Variants in PCLO observed in about 807,000 individuals in gnomAD.
PCLO encodes piccolo presynaptic cytomatrix protein, also known as protein piccolo.
In PCLO, 82 loss-of-function variants were observed where a neutral mutation model predicts 427.5. That is an observed-to-expected ratio of 0.19 (90% confidence interval 0.16 to 0.23). The LOEUF (loss-of-function observed/expected upper bound fraction) is 0.23. Among genes scored for constraint, PCLO ranks in the 10% least tolerant of loss-of-function variants. The pLI is 1.00. For synonymous variants in PCLO, 2,357 were observed against 2,155.4 expected (o/e 1.09, Z -2.59); for missense variants, 6,239 against 6,115.9 (o/e 1.02, Z -0.67).
At chr7:82,851,274 C>G (rs1792647509) in intron 10 of PCLO, among the ~76,000 whole-genome samples, 1 of 151,372 alleles carries the variant, frequency 6.6e-6, no homozygotes. Context: ...ATTGAGAGTG[C>G]TGTGAACGCT....
At position 83,144,033 on chromosome 7, in the gene PCLO, A is replaced by G. The variant is rs570698754; in HGVS notation, c.1894-8377T>C. On this transcript the variant is annotated intron_variant, in intron 2 of 24. Transcript: ENST00000333891. ...AGGTCTAAATATGAACTCATTCTAT[A>G]TGCTGAAAGCAGCATATCTTTAAAT... Among the ~76,000 whole-genome samples the G allele has an allele frequency of 3.9e-5, 6 of 152,376 alleles. No homozygotes were observed. The East Asian group carries it at 9.6e-4, about 24-fold the overall frequency.
intron 10 of PCLO, among the ~76,000 whole-genome samples, chr7:82,849,829 C>T (rs534976433): frequency 2.6e-5 from 4 of 151,612 alleles, no homozygotes; most frequent in Admixed American, 6.6e-5. Flanking sequence ...TTTCACACTG[C>T]GTTTTAGAAA....
At chr7:83,039,521 G>C (rs1788918825) in intron 3 of PCLO, among the ~76,000 whole-genome samples, 2 of 151,994 alleles carry the variant, frequency 1.3e-5, no homozygotes, top group Non-Finnish European at 2.9e-5. Context: ...TTGACCATAG[G>C]TACATGGGTT....
At chr7:82,973,850 C>T (rs1795958743) in intron 3 of PCLO, among the ~76,000 whole-genome samples, 1 of 152,110 alleles carries the variant, frequency 6.6e-6, no homozygotes, top group African/African-American at 2.4e-5. Context: ...TGATTTCATA[C>T]TCTTGATTGA....
At chr7:83,062,939 C>A (rs981790348) in intron 3 of PCLO, among the ~76,000 whole-genome samples, 3 of 151,954 alleles carry the variant, frequency 2.0e-5, no homozygotes, top group African/African-American at 7.2e-5. Flanking sequence ...TTACTATTTC[C>A]AAATTTTCAC....
intron 10 of PCLO, 54 bp downstream of exon 10, chr7:82,879,283 G>T: frequency 7.2e-6 from 10 of 1,396,034 alleles, no homozygotes; most frequent in Admixed American, 2.0e-5. Flanking sequence ...AAATTAAAAT[G>T]TATTTAATAT....
At chr7:82,829,198 T>G (rs1792028270) in intron 16 of PCLO, among the ~76,000 whole-genome samples, 1 of 152,140 alleles carries the variant, frequency 6.6e-6, no homozygotes, top group Non-Finnish European at 1.5e-5. Context: ...ATCTCTGATT[T>G]TATTTTCTTA....
intron 20 of PCLO, chr7:82,821,496 A>C: frequency 1.0e-6 from 1 of 985,346 alleles, no homozygotes; most frequent in Non-Finnish European, 1.2e-6. Flanking sequence ...AGGGAGATGG[A>C]GAGAACAATG....
chr7:82,938,143 A>G (rs1181485033), intron 6 of PCLO, among the ~76,000 whole-genome samples: 4 of 151,948 alleles, frequency 2.6e-5, no homozygotes, highest in Non-Finnish European at 4.4e-5. Flanking sequence ...TCAAAGGACT[A>G]TGAAGACTTG....
chr7:82,832,548 T>C (rs946961392), intron 16 of PCLO, among the ~76,000 whole-genome samples: 1 of 152,068 alleles, frequency 6.6e-6, no homozygotes, highest in Non-Finnish European at 1.5e-5. Context: ...TTTGTTTTTA[T>C]TGGTCATTTT....
At chr7:82,991,521 TA>T (rs1474754656) in intron 3 of PCLO, among the ~76,000 whole-genome samples, 1 of 152,120 alleles carries the variant, frequency 6.6e-6, no homozygotes, top group Non-Finnish European at 1.5e-5. Flanking sequence ...TCTTTGCTCA[TA>T]ACTACCTTAA....
intron 22 of PCLO, among the ~76,000 whole-genome samples, chr7:82,769,892 A>G (rs62466890): frequency 0.063 from 9,653 of 152,132 alleles, 718 homozygotes; most frequent in African/African-American, 0.18. Context: ...ACTCTAAGAC[A>G]GATTTTAAAA....
At chr7:82,904,072 T>C (rs1584127468) in intron 8 of PCLO, among the ~76,000 whole-genome samples, 1 of 151,988 alleles carries the variant, frequency 6.6e-6, no homozygotes, top group African/African-American at 2.4e-5. Context: ...CCAGGAATAT[T>C]ATGTGAATTC....
At chr7:83,143,009 C>A (rs1791902016) in intron 2 of PCLO, among the ~76,000 whole-genome samples, 1 of 151,892 alleles carries the variant, frequency 6.6e-6, no homozygotes, top group Non-Finnish European at 1.5e-5. Context: ...TGTTGGATAC[C>A]AAGTAATTTT....
rs770654509 is a variant in PCLO, at chr7:82,966,248, T to C, written c.3540A>G (p.Leu1180=). 5.6e-6 allele frequency: 9 copies of C among 1,611,648 alleles called. No homozygotes were observed. The highest frequency in any genetic ancestry group is 4.4e-5 in the South Asian group (4 of 90,694). The change falls in exon 4 of 25, where the codon CTA becomes CTG. Residue 1180 remains leucine, a synonymous_variant. Transcript: ENST00000333891. Reference sequence around the variant, plus strand: ...CCATAGGAGGAATTTTTTCCATTGATAGTGTTTCCTTTACTTTTTCCAGAA... The same window carrying C: ...CCATAGGAGGAATTTTTTCCATTGACAGTGTTTCCTTTACTTTTTCCAGAA... The part of the protein sequence containing the change: ...KVILEKVKET[L]SMEKIPPMVT...
chr7:82,871,807 G>A (rs1334171895), intron 10 of PCLO, among the ~76,000 whole-genome samples: 2 of 151,668 alleles, frequency 1.3e-5, no homozygotes, highest in Admixed American at 1.3e-4. Context: ...GATGGCTCAG[G>A]GATGATTGTT....
At chr7:83,031,462 C>T (rs1222150564) in intron 3 of PCLO, among the ~76,000 whole-genome samples, 3 of 152,094 alleles carry the variant, frequency 2.0e-5, no homozygotes, top group Non-Finnish European at 4.4e-5. Context: ...TCCAGGTATG[C>T]CCCCTTGTTA....
rs549383942 is a variant in PCLO, at chr7:83,082,100, T to C, written c.3300+52150A>G. 6.0e-4 allele frequency among the ~76,000 whole-genome samples: 91 copies of C among 151,458 alleles called. 1 individual carries two copies. The highest frequency in any genetic ancestry group is 1.5e-3 in the African/African-American group (61 of 41,416). Reference sequence around the variant, plus strand: ...AAGAAATTTTCCTCCATTTATCTTATACATTTCCTATACTATACACACACA... The same window carrying C: ...AAGAAATTTTCCTCCATTTATCTTACACATTTCCTATACTATACACACACA... On this transcript the variant is annotated intron_variant, in intron 3 of 24. Coordinates refer to ENST00000333891, the MANE Select transcript of PCLO (RefSeq NM_033026.6).
At position 82,760,653 on chromosome 7, in the gene PCLO, C is replaced by T. The variant is rs1790410643; in HGVS notation, c.15274G>A (p.Gly5092Arg). ...TACAGAGCTACCTGAAGAGAATGTC[C>T]TGCAGGACTTAGACTGAATCGAAAA... ...ETFRFSLSPA[G>R]HSLQILLFSN... The change falls in exon 24 of 25, where the codon GGA becomes AGA. Residue 5092 changes from glycine to arginine, a missense_variant. Gly to Arg is a moderately radical substitution (Grantham distance 125, BLOSUM62 -2). Transcript: ENST00000333891. 4 of 1,598,358 alleles carry T rather than the reference C, an allele frequency of 2.5e-6. No individual in the cohort carries two copies. The highest frequency in any genetic ancestry group is 3.4e-6 in the Non-Finnish European group (4 of 1,172,842).
Sources: allele counts gnomAD v4.1 joint callset (sites outside exome capture counted in the v4.1 genomes callset), GRCh38; gene constraint gnomAD v4.1.1; transcripts MANE v1.5; gene names NCBI Gene and HGNC (gene_info 2026-07-23, HGNC 2026-07-21).